The following MYO10 variants were observed in gnomAD, a reference collection of about 807,000 sequenced individuals.
MYO10 encodes the protein myosin X, also known as unconventional myosin-X.
In MYO10, 133 loss-of-function variants were observed where a neutral mutation model predicts 257.3. That is an observed-to-expected ratio of 0.52 (90% CI 0.45 to 0.60). MYO10 has a LOEUF of 0.60. Ranked by LOEUF, MYO10 falls within the 20% of genes least tolerant of loss-of-function variation. MYO10 has a pLI of 0.00. For missense variants in MYO10, 2,399 were observed against 2,635.7 expected (o/e 0.91, Z 1.97); for synonymous variants, 1,104 against 1,028.6 (o/e 1.07, Z -1.40).
At position 16,852,087 on chromosome 5, in the gene MYO10, C is replaced by T. The variant is rs377315985; in HGVS notation, c.120+25522G>A. On this transcript the variant is annotated intron_variant, in intron 2 of 40. Transcript: ENST00000513610. ...AAAAAAAAAAAAAAAAGAAGACTTA[C>T]TGATCACTGGGAAGGAAAGAAGGAA... 1.5e-3 allele frequency among the ~76,000 whole-genome samples: 198 copies of T among 133,612 alleles called. 3 individuals are homozygous for T. The highest frequency in any genetic ancestry group is 4.8e-3 in the African/African-American group (175 of 36,304). The allele number at this position is 133,612 out of a possible 152,430, so 87.7% of individuals were successfully genotyped here.
At position 16,786,963 on chromosome 5, in the gene MYO10, G is replaced by A. The variant is rs569988021; in HGVS notation, c.468-3494C>T. On this transcript the variant is annotated intron_variant, in intron 4 of 40. Coordinates refer to ENST00000513610, the MANE Select transcript of MYO10 (RefSeq NM_012334.3). ...ACAGGGAGATCACTTAAGGTCAGGAGTTCGAGGCCAGCCTGGCGAACATGG... is the reference window on the plus strand; with the variant it reads ...ACAGGGAGATCACTTAAGGTCAGGAATTCGAGGCCAGCCTGGCGAACATGG... Among the ~76,000 whole-genome samples, 4 of 152,294 alleles carry A rather than the reference G, an allele frequency of 2.6e-5. No homozygotes were observed. The East Asian group carries it at 7.7e-4, about 29-fold the overall frequency.
intron 26 of MYO10, among the ~76,000 whole-genome samples, chr5:16,697,427 C>G (rs933394327): frequency 2.0e-5 from 3 of 152,146 alleles, no homozygotes; most frequent in Admixed American, 6.5e-5. Context: ...CATGGCTGGG[C>G]GCGGTGGCTC....
rs1292190534 is a variant in MYO10, at chr5:16,665,289, AAC to A, written c.*1401_*1402del. On this transcript the variant is annotated 3_prime_UTR_variant, in exon 41 of 41. Coordinates refer to ENST00000513610, the MANE Select transcript of MYO10 (RefSeq NM_012334.3). The stretch of plus-strand genomic sequence containing the variant: ...TTTTAGAGCCTCCTCTGATAAAGGA[AAC>A]ACACAGCGTGTTAGCTAGTATCTTT... 1 of 152,150 alleles carries A rather than the reference AAC, an allele frequency of 6.6e-6. No homozygotes were observed. Among genetic ancestry groups the A allele is most frequent in the African/African-American group, 2.4e-5 (1 of 41,422 alleles). 9.4% of individuals were successfully genotyped at this position (152,150 alleles called of 1,614,324 possible).
intron 19 of MYO10, among the ~76,000 whole-genome samples, chr5:16,713,926 A>G (rs1052527843): frequency 6.6e-6 from 1 of 152,202 alleles, no homozygotes; most frequent in Non-Finnish European, 1.5e-5. Flanking sequence ...ACCGACAGGG[A>G]AGTCTCGATG....
chr5:16,829,568 A>G (rs1017486151), intron 2 of MYO10, among the ~76,000 whole-genome samples: 1 of 152,184 alleles, frequency 6.6e-6, no homozygotes, highest in Non-Finnish European at 1.5e-5. Context: ...AACATCATAA[A>G]GCTGCTGGCA....
chr5:16,903,173 A>G (rs1457117858), intron 1 of MYO10, among the ~76,000 whole-genome samples: 3 of 152,202 alleles, frequency 2.0e-5, no homozygotes, highest in African/African-American at 4.8e-5. Flanking sequence ...TTGGGAGGCC[A>G]AGGCGGGCGG....
intron 22 of MYO10, among the ~76,000 whole-genome samples, chr5:16,703,484 A>T (rs1423913124): frequency 6.6e-6 from 1 of 152,200 alleles, no homozygotes; most frequent in Non-Finnish European, 1.5e-5. Flanking sequence ...TCTCCTGTTC[A>T]TATGAAAAAA....
intron 3 of MYO10, among the ~76,000 whole-genome samples, chr5:16,804,565 C>A (rs936374619): frequency 2.6e-5 from 4 of 152,160 alleles, no homozygotes; most frequent in African/African-American, 9.6e-5. Flanking sequence ...AGTTCCCAAT[C>A]GTTTATTTCA....
At position 16,701,125 on chromosome 5, in the gene MYO10, G is replaced by A. The variant is rs1282128511; in HGVS notation, c.3270C>T (p.Asp1090=). ...CGTCCTCATAGTCATCCTGGTCGTA[G>A]TCGTAGTCGCCGTCTGGGGAGGGCA... ...GDLPSPDGDY[D]YDQDDYEDGA... Residue 1090 remains aspartate (D), a synonymous_variant, in exon 25 of 41, where the codon GAC becomes GAT. Coordinates refer to ENST00000513610, the MANE Select transcript of MYO10 (RefSeq NM_012334.3). This position sits in a 1 kb window ranked among gnomAD's most constrained non-coding sequence, Gnocchi z 8.1. 2.5e-6 allele frequency: 4 copies of A among 1,596,014 alleles called. No individual in the cohort carries two copies. The African/African-American group carries it at 5.4e-5, about 21-fold the overall frequency.
rs974330401 is a variant in MYO10 at position 16,662,903 on chromosome 5, T to C, written c.*3789A>G. On this transcript the variant is annotated 3_prime_UTR_variant, in exon 41 of 41. Transcript: ENST00000513610. Reference sequence around the variant, plus strand: ...TCTCCTCCTTTGCTGTCCACCATGATTGTGAGGCCTCCCCAGGCATGTGAG... The same window carrying C: ...TCTCCTCCTTTGCTGTCCACCATGACTGTGAGGCCTCCCCAGGCATGTGAG... The C allele has an allele frequency of 2.6e-5, 4 of 152,176 alleles. No individual in the cohort carries two copies. Among genetic ancestry groups the C allele is most frequent in the Non-Finnish European group, 5.9e-5 (4 of 68,046 alleles). 9.4% of individuals were successfully genotyped at this position (152,176 alleles called of 1,614,324 possible).
rs1380658581 is a variant in MYO10 at position 16,818,156 on chromosome 5, G to A, written c.132C>T (p.Tyr44=). 1.3e-6 allele frequency: 2 copies of A among 1,578,808 alleles called. No individual in the cohort carries two copies. Among genetic ancestry groups the A allele is most frequent in the Non-Finnish European group, 1.7e-6 (2 of 1,156,298 alleles). Residue 44 remains tyrosine, a synonymous_variant, in exon 3 of 41, where the codon TAC becomes TAT. Coordinates refer to ENST00000513610, the MANE Select transcript of MYO10 (RefSeq NM_012334.3). The part of the protein sequence containing the change: ...FRTDYGQVFT[Y]KQSTITHQKV... ...TCTGGTGGGTAATTGTGCTCTGCTT[G>A]TAAGTGAATACCTGAGGGAGGGAGA...
intron 22 of MYO10, 49 bp downstream of exon 22, chr5:16,704,530 A>AC (rs779797902): frequency 9.2e-5 from 137 of 1,488,162 alleles, no homozygotes; most frequent in Non-Finnish European, 1.2e-4. Flanking sequence ...GGAAGGAAGG[A>AC]CCCCCTCATG....
At chr5:16,741,938 T>C (rs1414811683) in intron 19 of MYO10, 3 of 985,322 alleles carry the variant, frequency 3.0e-6, no homozygotes, top group African/African-American at 1.7e-5. Context: ...CAGCCTTTTA[T>C]GTGGTGCGTC....
chr5:16,728,953 C>T (rs1018120529), intron 19 of MYO10, among the ~76,000 whole-genome samples: 1 of 152,184 alleles, frequency 6.6e-6, no homozygotes, highest in African/African-American at 2.4e-5. Context: ...TTTTAAGCAG[C>T]AGCAAGAAGG....
At chr5:16,875,397 G>C (rs17542289) in intron 2 of MYO10, among the ~76,000 whole-genome samples, 5,572 of 152,234 alleles carry the variant, frequency 0.037, 154 homozygotes, top group Non-Finnish European at 0.055. Flanking sequence ...CATTTAAGCA[G>C]TGCCTGATAC....
intron 3 of MYO10, among the ~76,000 whole-genome samples, chr5:16,806,504 G>A (rs996280388): frequency 1.1e-4 from 16 of 150,732 alleles, no homozygotes; most frequent in African/African-American, 2.2e-4. Flanking sequence ...TTAGCTGGGC[G>A]TGGTGGCGGG....
chr5:16,924,200 T>A (rs1459622270), intron 1 of MYO10, among the ~76,000 whole-genome samples: 1 of 151,844 alleles, frequency 6.6e-6, no homozygotes, highest in East Asian at 2.0e-4. Flanking sequence ...TAAACGAACA[T>A]CAACAACCAC....
chr5:16,835,636 T>C lies in MYO10; in HGVS notation c.121-17469A>G, dbSNP rs114761428. 7.1e-3 allele frequency among the ~76,000 whole-genome samples: 1,072 copies of C among 151,086 alleles called. 14 individuals are homozygous for C. Among genetic ancestry groups the C allele is most frequent in the Non-Finnish European group, 0.01 (706 of 67,864 alleles). On this transcript the variant is annotated intron_variant, in intron 2 of 40. Transcript: ENST00000513610. ...ACATCAGCTCAGAATATGACATAAT[T>C]ATCTCCCCACACTCTTCCTGTCCAC...
In MYO10 at chr5:16,782,861, G is replaced by A. The variant is rs115547454; in HGVS notation, c.602+474C>T. Among the ~76,000 whole-genome samples, 976 of 152,200 alleles carry A rather than the reference G, an allele frequency of 6.4e-3. 7 individuals are homozygous for A. The highest frequency in any genetic ancestry group is 0.022 in the African/African-American group (924 of 41,540). Reference sequence around the variant, plus strand: ...CTCATCTTCCACACACGAGAGGCCCGTTCTGCTCATGTTAAGCCTCCAAGC... The same window carrying A: ...CTCATCTTCCACACACGAGAGGCCCATTCTGCTCATGTTAAGCCTCCAAGC... On this transcript the variant is annotated intron_variant, in intron 5 of 40. Transcript: ENST00000513610.
Sources: gnomAD v4.1 joint callset for allele counts (sites outside exome capture counted in the v4.1 genomes callset) on GRCh38, gnomAD v4.1.1 for gene constraint, Gnocchi (gnomAD v3.1) non-coding constraint, MANE v1.5 for transcripts, NCBI Gene and HGNC (gene_info 2026-07-23, HGNC 2026-07-21) for gene names.